The following ACAD10 variants were observed in gnomAD, a reference collection of about 807,000 sequenced individuals.
The protein encoded by ACAD10 is ACAD-10.
In ACAD10, 112 loss-of-function variants were observed where a neutral mutation model predicts 116.8. The ratio of observed to expected loss-of-function variants is 0.96; its 90% CI spans 0.82 to 1.12. The LOEUF (loss-of-function observed/expected upper bound fraction) is 1.12, where lower values mean the gene tolerates loss of function less well. Among genes scored for constraint, ACAD10 ranks in the 50% most tolerant of loss-of-function variants. The pLI is 0.00. For missense variants in ACAD10, 1,259 were observed against 1,350.2 expected (o/e 0.93, Z 1.06); for synonymous variants, 486 against 510.6 (o/e 0.95, Z 0.65).
intron 12 of ACAD10, among the ~76,000 whole-genome samples, chr12:111,738,735 C>T (rs1407634727): frequency 1.3e-5 from 2 of 151,798 alleles, no homozygotes; most frequent in African/African-American, 2.4e-5. Context: ...GGTGTGATGG[C>T]GGGCGCCTAA....
Position 111,702,172 on chromosome 12 carries a change from A to G in ACAD10, c.198A>G (p.Val66=). ...TTTTGCTTCCTATAGAATGGGAGGT[A>G]CAGAATCGTATCCCTTCTGGAACTA... ...SPGRVAAEWE[V]QNRIPSGTIL... The change falls in exon 3 of 21, where the codon GTA becomes GTG. Residue 66 remains valine, a synonymous_variant. Coordinates refer to ENST00000313698, the MANE Select transcript of ACAD10 (RefSeq NM_025247.6). 1 of 1,613,348 alleles carries G rather than the reference A, an allele frequency of 6.2e-7. No individual in the cohort carries two copies. The highest frequency in any genetic ancestry group is 8.5e-7 in the Non-Finnish European group (1 of 1,179,832).
rs1166815389 is a variant in ACAD10 at position 111,755,679 on chromosome 12, G to A, written c.2973G>A (p.Leu991=). The A allele has an allele frequency of 1.2e-6, 2 of 1,613,812 alleles. No homozygotes were observed. The highest frequency in any genetic ancestry group is 2.2e-5 in the South Asian group (2 of 91,068). Residue 991 remains leucine (L), a synonymous_variant, in exon 20 of 21, where the codon TTG becomes TTA. Transcript: ENST00000313698. ...CCTCCTCCTTACAGGCTGCAGCCTT[G>A]GATATAGCCATGATTAAAATGGTCG... is the stretch of plus-strand genomic sequence containing the variant. ...MDLAGNKAAA[L]DIAMIKMVAP...
rs1207421681 is a variant in ACAD10 at position 111,706,762 on chromosome 12, T to TTA, written c.531+850_531+851dup. ...CACCGTGCCTGGCCTATTTATTTTT[T>TTA]TATATATATATATATATATATTTTT... is the stretch of plus-strand genomic sequence containing the variant. On this transcript the variant is annotated intron_variant, in intron 4 of 20. Transcript: ENST00000313698. Among the ~76,000 whole-genome samples, 1,137 of 131,554 alleles carry TTA rather than the reference T, an allele frequency of 8.6e-3. 7 individuals carry two copies. The highest frequency in any genetic ancestry group is 0.013 in the South Asian group (51 of 3,906). 86.3% of individuals were successfully genotyped at this position (131,554 alleles called of 152,430 possible). A position where few individuals can be genotyped will look rare whatever the true frequency, so the allele number is the denominator to read the frequency against.
In ACAD10 at chr12:111,756,911, G is replaced by A. The variant is rs1385220175; in HGVS notation, c.*438G>A. On this transcript the variant is annotated 3_prime_UTR_variant, in exon 21 of 21. Coordinates refer to ENST00000313698, the MANE Select transcript of ACAD10 (RefSeq NM_025247.6). ...TGGCCTCCCTGGTGAGCAGAGGGGC[G>A]GCCACGGCGGGCGGTGGCCTAGAGA... 6 of 458,196 alleles carry A rather than the reference G, an allele frequency of 1.3e-5. No homozygotes were observed. The highest frequency in any genetic ancestry group is 2.2e-5 in the Non-Finnish European group (5 of 228,274). 28.4% of individuals were successfully genotyped at this position (458,196 alleles called of 1,614,324 possible).
intron 18 of ACAD10, 196 bp downstream of exon 18, chr12:111,749,541 C>T: frequency 1.4e-6 from 1 of 725,636 alleles, no homozygotes; most frequent in Non-Finnish European, 2.2e-6. Flanking sequence ...CAGAATGGAC[C>T]CCACTCTGTC....
At chr12:111,717,691 A>C (rs1214922064) in intron 7 of ACAD10, among the ~76,000 whole-genome samples, 2 of 151,922 alleles carry the variant, frequency 1.3e-5, no homozygotes, top group African/African-American at 2.4e-5. Context: ...CAGCCTCCCA[A>C]ATACTACAGG....
rs141223559 is a variant in ACAD10, at chr12:111,707,900, T to C, written c.532-1626T>C. On this transcript the variant is annotated intron_variant, in intron 4 of 20. Coordinates refer to ENST00000313698, the MANE Select transcript of ACAD10 (RefSeq NM_025247.6). ...GGAGGCTTTCATTGAGTATGTCTAG[T>C]TGGGATCCAGGCATGTGTATTTCGA... 7.3e-4 allele frequency among the ~76,000 whole-genome samples: 111 copies of C among 152,324 alleles called. 1 individual carries two copies. Among genetic ancestry groups the C allele is most frequent in the African/African-American group, 2.6e-3 (107 of 41,580 alleles).
At position 111,697,996 on chromosome 12, in the gene ACAD10, G is replaced by A. The variant is rs1441197196; in HGVS notation, c.188-4166G>A. Among the ~76,000 whole-genome samples the A allele has an allele frequency of 4.3e-5, 6 of 140,080 alleles. No homozygotes were observed. In the East Asian group the frequency reaches 8.3e-4, roughly 19 times the overall value. The allele number at this position is 140,080 out of a possible 152,430, so 91.9% of individuals were successfully genotyped here. ...TTTGCCTGATTGCAACTGAGGTTGC[G>A]CCCTTTTTTTTTTTTTGAGTCGGAG... On this transcript the variant is annotated intron_variant, in intron 2 of 20. Transcript: ENST00000313698.
In ACAD10 at chr12:111,746,246, C is replaced by G; in HGVS notation, c.2218C>G (p.Leu740Val). ...ACTGACCAATGTGGAATATGCACAT[C>G]TGTGTGAGCTCATGGGCACGTCCCT... ...AGLTNVEYAH[L>V]CELMGTSLYA... The change falls in exon 14 of 21, where the codon CTG becomes GTG. Residue 740 changes from leucine to valine, a missense_variant. Transcript: ENST00000313698. 6.2e-7 allele frequency: 1 copy of G among 1,613,954 alleles called. No homozygotes were observed.
At chr12:111,689,630 G>C (rs1028162562) in intron 1 of ACAD10, among the ~76,000 whole-genome samples, 1 of 151,980 alleles carries the variant, frequency 6.6e-6, no homozygotes, top group Non-Finnish European at 1.5e-5. Context: ...GCCTACATTA[G>C]CATCCCAAAG....
Position 111,738,454 on chromosome 12 carries a change from A to AAT in ACAD10, c.1714+1451_1714+1452insTA, listed in dbSNP as rs1158575024. 2.0e-5 allele frequency among the ~76,000 whole-genome samples: 3 copies of AAT among 151,774 alleles called. No individual in the cohort carries two copies. In the East Asian group the frequency reaches 5.9e-4, roughly 30 times the overall value. On this transcript the variant is annotated intron_variant, in intron 12 of 20. Coordinates refer to ENST00000313698, the MANE Select transcript of ACAD10 (RefSeq NM_025247.6). ...AGAATGAGACTCTGTCTCAAAAAAA[A>AAT]AAAAAAAAAAAGACTTGGGAGCCAA...
intron 1 of ACAD10, among the ~76,000 whole-genome samples, chr12:111,689,632 A>G (rs1024375035): frequency 6.6e-6 from 1 of 151,872 alleles, no homozygotes; most frequent in Non-Finnish European, 1.5e-5. Context: ...CTACATTAGC[A>G]TCCCAAAGTT....
chr12:111,725,159 AT>A (rs1593037527), intron 8 of ACAD10, among the ~76,000 whole-genome samples: 1 of 151,844 alleles, frequency 6.6e-6, no homozygotes, highest in Non-Finnish European at 1.5e-5. Context: ...GTAGATAATG[AT>A]TTTTTTTGGC....
intron 1 of ACAD10, among the ~76,000 whole-genome samples, chr12:111,686,626 G>C (rs1325275084): frequency 6.6e-6 from 1 of 152,236 alleles, no homozygotes; most frequent in Admixed American, 6.5e-5. Flanking sequence ...TGAGACAGGA[G>C]AATCGCTTGA....
At chr12:111,710,497 A>AT (rs34767337) in intron 5 of ACAD10, 9,426 of 210,464 alleles carry the variant, frequency 0.045, 6 homozygotes, top group South Asian at 0.11. Flanking sequence ...GTATTGTGAA[A>AT]TTTTTTTTTT....
intron 18 of ACAD10, among the ~76,000 whole-genome samples, chr12:111,750,953 A>G (rs1890057449): frequency 6.6e-6 from 1 of 152,192 alleles, no homozygotes; most frequent in Non-Finnish European, 1.5e-5. Context: ...TTTTCTTTCT[A>G]AGTAAAACGC....
intron 6 of ACAD10, 131 bp downstream of exon 6, chr12:111,712,788 C>T: frequency 9.8e-7 from 1 of 1,017,828 alleles, no homozygotes; most frequent in Non-Finnish European, 1.5e-6. Flanking sequence ...AGCCATTGGG[C>T]CTGGTGCATC....
chr12:111,709,802 A>G (rs1593024505), intron 5 of ACAD10, 118 bp downstream of exon 5: 2 of 1,133,278 alleles, frequency 1.8e-6, no homozygotes. Context: ...CTGTGTTTCC[A>G]TAGTCATCTT....
In ACAD10 at chr12:111,729,299, G is replaced by A. The variant is rs1263993749; in HGVS notation, c.1244-507G>A. On this transcript the variant is annotated intron_variant, in intron 9 of 20. Transcript: ENST00000313698. ...GTCACCCAGGCTGGAGTGCAATGGC[G>A]CAATCTCGGCTCACTTCAACCTCCG... Among the ~76,000 whole-genome samples the A allele has an allele frequency of 3.9e-5, 6 of 152,084 alleles. No homozygotes were observed. The East Asian group carries it at 5.8e-4, about 15-fold the overall frequency.
Sources: allele counts gnomAD v4.1 joint callset (sites outside exome capture counted in the v4.1 genomes callset), GRCh38; gene constraint gnomAD v4.1.1; transcripts MANE v1.5; gene names NCBI Gene and HGNC (gene_info 2026-07-23, HGNC 2026-07-21).